IGSF10: variants seen among roughly 807,000 people sequenced by gnomAD.
IGSF10 encodes the protein calvaria mechanical force protein 608.
A neutral mutation model predicts 128.2 loss-of-function variants in IGSF10; 126 were observed. The observed-to-expected ratio is 0.98, with a 90% CI of 0.85 to 1.14. The LOEUF is 1.14. Ranked by LOEUF, IGSF10 falls within the 50% of genes most tolerant of loss-of-function variation. The pLI, the probability that IGSF10 is intolerant of heterozygous loss-of-function variation, is 0.00. For synonymous variants in IGSF10, 1,185 were observed against 1,146.2 expected (o/e 1.03, Z -0.68); for missense variants, 3,295 against 3,149.8 (o/e 1.05, Z -1.10).
chr3:151,493,329 C>G, the IGSF10 span, among the ~76,000 whole-genome samples: 1 of 152,116 alleles, frequency 6.6e-6, no homozygotes, highest in African/African-American at 2.4e-5. Flanking sequence ...TATTAGTTTG[C>G]TTCACTATAG....
chr3:151,506,395 C>T, the IGSF10 span, among the ~76,000 whole-genome samples: 1 of 152,136 alleles, frequency 6.6e-6, no homozygotes, highest in Non-Finnish European at 1.5e-5. Flanking sequence ...AAAAGGAACA[C>T]CCTGTTAAAC....
chr3:151,518,074 A>G, the IGSF10 span, among the ~76,000 whole-genome samples: 1 of 152,070 alleles, frequency 6.6e-6, no homozygotes, highest in South Asian at 2.1e-4. Flanking sequence ...TAATTGTTAA[A>G]TCAAGGTTAG....
chr3:151,493,801 A>G, the IGSF10 span, among the ~76,000 whole-genome samples: 1 of 152,050 alleles, frequency 6.6e-6, no homozygotes, highest in African/African-American at 2.4e-5. Flanking sequence ...CCTCCCATAT[A>G]CAAAATAAAA....
the IGSF10 span, among the ~76,000 whole-genome samples, chr3:151,566,517 C>T: frequency 1.3e-5 from 2 of 152,142 alleles, no homozygotes; most frequent in African/African-American, 4.8e-5. Context: ...CTTTGGGTCC[C>T]AGGCTGATAG....
chr3:151,553,631 T>TC, the IGSF10 span, among the ~76,000 whole-genome samples: 7 of 107,884 alleles, frequency 6.5e-5, no homozygotes, highest in Middle Eastern at 5.6e-3. Context: ...TCTCTCTCTC[T>TC]TTCTATATAT....
chr3:151,441,137 C>A (rs1437469496), intron 7 of IGSF10, among the ~76,000 whole-genome samples: 3 of 152,164 alleles, frequency 2.0e-5, no homozygotes, highest in African/African-American at 4.8e-5. Flanking sequence ...AGGGGGTCTT[C>A]CCTTGGAGAA....
At chr3:151,478,674 TAAG>T in the IGSF10 span, among the ~76,000 whole-genome samples, 3 of 152,200 alleles carry the variant, frequency 2.0e-5, no homozygotes, top group Non-Finnish European at 4.4e-5. Context: ...CTGATCATCA[TAAG>T]AAGACAATCA....
the IGSF10 span, among the ~76,000 whole-genome samples, chr3:151,541,911 T>G: frequency 6.6e-6 from 1 of 152,188 alleles, no homozygotes; most frequent in Non-Finnish European, 1.5e-5. Context: ...TAGAAAGGAT[T>G]GTGTATGCGG....
chr3:151,524,715 A>G, the IGSF10 span, among the ~76,000 whole-genome samples: 1 of 152,120 alleles, frequency 6.6e-6, no homozygotes, highest in East Asian at 1.9e-4. Context: ...TGTACAACAC[A>G]CCCCTGTGAC....
chr3:151,523,240 C>A, the IGSF10 span, among the ~76,000 whole-genome samples: 2 of 152,248 alleles, frequency 1.3e-5, no homozygotes, highest in East Asian at 1.9e-4. Flanking sequence ...GGCCATACTG[C>A]CCAAAGCAAC....
At chr3:151,574,979 C>T in the IGSF10 span, among the ~76,000 whole-genome samples, 3 of 152,216 alleles carry the variant, frequency 2.0e-5, no homozygotes, top group Non-Finnish European at 4.4e-5. Context: ...TCAGGTCCCT[C>T]AGCTGCAGGT....
At chr3:151,483,389 G>A in the IGSF10 span, among the ~76,000 whole-genome samples, 3 of 152,106 alleles carry the variant, frequency 2.0e-5, no homozygotes, top group East Asian at 3.9e-4. Context: ...AATATTTTAT[G>A]TAAGCTTCAT....
the IGSF10 span, among the ~76,000 whole-genome samples, chr3:151,495,299 A>C: frequency 6.6e-6 from 1 of 152,154 alleles, no homozygotes; most frequent in African/African-American, 2.4e-5. Context: ...AATTCTAACT[A>C]TATTCTCATA....
Position 151,436,911 on chromosome 3 carries a change from A to C in IGSF10, c.7650T>G (p.Cys2550Trp), listed in dbSNP as rs1720323221. The C allele has an allele frequency of 6.2e-7, 1 of 1,614,186 alleles. No homozygotes were observed. The highest frequency in any genetic ancestry group is 8.5e-7 in the Non-Finnish European group (1 of 1,180,018). Reference protein sequence around the residue: ...TRTGAAFQLHCVALGVPKPEI... With the variant: ...TRTGAAFQLHWVALGVPKPEI... ...CTGGCTTGGGAACTCCCAAGGCCAC[A>C]CAGTGGAGCTGAAAGGCTGCCCCTG... is the stretch of plus-strand genomic sequence containing the variant. The change falls in exon 8 of 8, where the codon TGT becomes TGG. Residue 2550 changes from cysteine to tryptophan, a missense_variant. Coordinates refer to ENST00000282466, the MANE Select transcript of IGSF10 (RefSeq NM_178822.5).
the IGSF10 span, chr3:151,499,645 A>T: frequency 0.82 from 125,165 of 152,078 alleles, 51,596 homozygotes; most frequent in Middle Eastern, 0.93. Context: ...GTGTGGCTCC[A>T]GGACCCCACC....
chr3:151,598,041 C>A, the IGSF10 span, among the ~76,000 whole-genome samples: 1 of 150,198 alleles, frequency 6.7e-6, no homozygotes, highest in African/African-American at 2.5e-5. Context: ...ATAGCAATAA[C>A]AGAAATGTTA....
intron 5 of IGSF10, among the ~76,000 whole-genome samples, chr3:151,450,023 G>A (rs978210771): frequency 1.3e-5 from 2 of 152,182 alleles, no homozygotes; most frequent in African/African-American, 4.8e-5. Context: ...TTAAGGGGGA[G>A]GGAAGAACAT....
chr3:151,471,771 A>C, the IGSF10 span, among the ~76,000 whole-genome samples: 1 of 152,206 alleles, frequency 6.6e-6, no homozygotes, highest in Admixed American at 6.5e-5. Flanking sequence ...GTAGAACTGA[A>C]CTTGAAAGTC....
the IGSF10 span, chr3:151,475,662 T>C: frequency 6.6e-6 from 1 of 152,232 alleles, no homozygotes; most frequent in Non-Finnish European, 1.5e-5. Context: ...TGTCTGTAAG[T>C]TTGTTCTGAC....
Sources: allele counts gnomAD v4.1 joint callset (sites outside exome capture counted in the v4.1 genomes callset), GRCh38; gene constraint gnomAD v4.1.1; transcripts MANE v1.5; gene names NCBI Gene and HGNC (gene_info 2026-07-23, HGNC 2026-07-21).